ANK2: variants seen among roughly 807,000 people sequenced by gnomAD.
The protein encoded by ANK2 is ankyrin 2.
In ANK2, 83 loss-of-function variants were observed where a neutral mutation model predicts 360.5. The ratio of observed to expected loss-of-function variants is 0.23; its 90% confidence interval spans 0.19 to 0.28. The LOEUF (loss-of-function observed/expected upper bound fraction) is 0.28, where lower values mean the gene tolerates loss of function less well. ANK2 is among the 10% of genes least tolerant of loss of function. The pLI is 1.00. For missense variants in ANK2, 4,201 were observed against 4,795.7 expected (o/e 0.88, Z 3.66); for synonymous variants, 1,740 against 1,759.5 (o/e 0.99, Z 0.28).
At chr4:112,763,753 C>A in the ANK2 span, among the ~76,000 whole-genome samples, 12 of 151,246 alleles carry the variant, frequency 7.9e-5, no homozygotes, top group African/African-American at 2.7e-4. Flanking sequence ...ATCTCCTGAC[C>A]TCGTGATCCG....
chr4:113,378,326 G>A (rs1346090684), intron 45 of ANK2: 1 of 327,728 alleles, frequency 3.1e-6, no homozygotes, highest in African/African-American at 2.2e-5. Context: ...CTTTGGTCAA[G>A]TAATGGATCT....
intron 2 of ANK2, among the ~76,000 whole-genome samples, chr4:112,918,302 T>C (rs925831616): frequency 6.6e-6 from 1 of 152,070 alleles, no homozygotes; most frequent in Non-Finnish European, 1.5e-5. Context: ...GGAATGAAGA[T>C]AGCTTGATGC....
chr4:113,238,619 A>T (rs2099402156), intron 7 of ANK2, among the ~76,000 whole-genome samples: 1 of 152,210 alleles, frequency 6.6e-6, no homozygotes, highest in African/African-American at 2.4e-5. Context: ...CTTTTTGGTG[A>T]TTATTTAAGA....
chr4:113,053,296 C>CT lies in ANK2; in HGVS notation c.84+3487dup, dbSNP rs1404155382. On this transcript the variant is annotated intron_variant, in intron 1 of 45. Coordinates refer to ENST00000357077, the MANE Select transcript of ANK2 (RefSeq NM_001148.6). The stretch of plus-strand genomic sequence containing the variant: ...AAAGACTTGTTTATTATTGGATACT[C>CT]TTTAGTACCCAAAGAAAATAAATTG... Among the ~76,000 whole-genome samples, 6 of 152,258 alleles carry CT rather than the reference C, an allele frequency of 3.9e-5. No individual in the cohort carries two copies. The East Asian group carries it at 9.6e-4, about 24-fold the overall frequency.
At chr4:112,881,350 C>A (rs1050691500) in intron 1 of ANK2, among the ~76,000 whole-genome samples, 1 of 152,144 alleles carries the variant, frequency 6.6e-6, no homozygotes, top group African/African-American at 2.4e-5. Context: ...ACTGGGAGAT[C>A]GCTTGAGCCC....
chr4:112,832,715 C>A (rs896877748), intron 1 of ANK2, among the ~76,000 whole-genome samples: 4 of 152,196 alleles, frequency 2.6e-5, no homozygotes, highest in African/African-American at 9.6e-5. Flanking sequence ...CAGAGAATAA[C>A]ATTCCATGGT....
At chr4:113,216,634 AG>A (rs1206661629) in intron 4 of ANK2, among the ~76,000 whole-genome samples, 1 of 152,224 alleles carries the variant, frequency 6.6e-6, no homozygotes, top group Non-Finnish European at 1.5e-5. Flanking sequence ...CACATCTAAC[AG>A]ATCATCCTTA....
chr4:112,712,618 AG>A, the ANK2 span, among the ~76,000 whole-genome samples: 1 of 151,578 alleles, frequency 6.6e-6, no homozygotes, highest in South Asian at 2.1e-4. Flanking sequence ...CGTGTTAGCC[AG>A]GATGGTCTCG....
rs143462487 is a variant in ANK2 at position 113,377,338 on chromosome 4, G to C, written c.11859+3889G>C. Reference sequence around the variant, plus strand: ...AGTTAGAACAGCTATAGCATCACTAGGTGACAGGAATTTTTTAGCTCCATT... The same window carrying C: ...AGTTAGAACAGCTATAGCATCACTACGTGACAGGAATTTTTTAGCTCCATT... On this transcript the variant is annotated intron_variant, in intron 45 of 45. Coordinates refer to ENST00000357077, the MANE Select transcript of ANK2 (RefSeq NM_001148.6). Among the ~76,000 whole-genome samples the C allele has an allele frequency of 5.3e-5, 8 of 152,222 alleles. No homozygotes were observed. The East Asian group carries it at 1.2e-3, about 22-fold the overall frequency.
chr4:112,843,731 T>C (rs2062682364), intron 1 of ANK2, among the ~76,000 whole-genome samples: 1 of 152,156 alleles, frequency 6.6e-6, no homozygotes, highest in South Asian at 2.1e-4. Flanking sequence ...GGAATACCAA[T>C]GTATTATGTT....
intron 1 of ANK2, among the ~76,000 whole-genome samples, chr4:112,904,111 G>A (rs1458976868): frequency 6.6e-6 from 1 of 152,148 alleles, no homozygotes; most frequent in Non-Finnish European, 1.5e-5. Context: ...GCTTTTTCAT[G>A]CATTTAGACA....
intron 2 of ANK2, among the ~76,000 whole-genome samples, chr4:112,949,205 T>C (rs2094767099): frequency 1.3e-5 from 2 of 152,202 alleles, no homozygotes; most frequent in African/African-American, 2.4e-5. Flanking sequence ...AAGGGGCTGG[T>C]ATCTCTCCAG....
the ANK2 span, among the ~76,000 whole-genome samples, chr4:112,710,903 T>TTA: frequency 0.043 from 6,136 of 141,110 alleles, 160 homozygotes; most frequent in African/African-American, 0.056. Context: ...TGAACAGGTT[T>TTA]TATATATATA....
chr4:113,000,848 C>T (rs963672174), intron 2 of ANK2, among the ~76,000 whole-genome samples: 2 of 152,080 alleles, frequency 1.3e-5, no homozygotes, highest in Admixed American at 6.6e-5. Flanking sequence ...TCATCATCCT[C>T]GTACCCAAAC....
the ANK2 span, among the ~76,000 whole-genome samples, chr4:112,750,206 C>A: frequency 6.6e-6 from 1 of 151,868 alleles, no homozygotes; most frequent in Non-Finnish European, 1.5e-5. Context: ...CTGAGATTGG[C>A]AGGTTGCCTG....
At chr4:112,973,367 A>G (rs1228826175) in intron 2 of ANK2, among the ~76,000 whole-genome samples, 1 of 152,180 alleles carries the variant, frequency 6.6e-6, no homozygotes, top group Non-Finnish European at 1.5e-5. Flanking sequence ...AAATTAAGAT[A>G]TACTAAGATA....
intron 1 of ANK2, among the ~76,000 whole-genome samples, chr4:112,864,828 T>C (rs201249341): frequency 1.3e-4 from 20 of 149,912 alleles, no homozygotes; most frequent in African/African-American, 1.7e-4. Context: ...GTCAGGAGAT[T>C]GAGACCATCC....
the ANK2 span, among the ~76,000 whole-genome samples, chr4:112,767,566 C>CAATAAATAAATAAATAAATA: frequency 0.017 from 2,462 of 144,758 alleles, 28 homozygotes; most frequent in African/African-American, 0.02. Flanking sequence ...GACCCTGTCT[C>CAATAAATAAATAAATAAATA]AATAAATAAA....
At chr4:112,778,225 C>T in the ANK2 span, among the ~76,000 whole-genome samples, 1 of 152,154 alleles carries the variant, frequency 6.6e-6, no homozygotes, top group African/African-American at 2.4e-5. Flanking sequence ...CTGCCTCAGC[C>T]TCCCAAAGTG....
Sources: gnomAD v4.1 joint callset for allele counts (sites outside exome capture counted in the v4.1 genomes callset) on GRCh38, gnomAD v4.1.1 for gene constraint, MANE v1.5 for transcripts, NCBI Gene and HGNC (gene_info 2026-07-23, HGNC 2026-07-21) for gene names.